RPS6KC1: variants seen among roughly 807,000 people sequenced by gnomAD.
The protein encoded by RPS6KC1 is ribosomal protein S6 kinase C1.
A neutral mutation model predicts 103.8 loss-of-function variants in RPS6KC1; 54 were observed. The observed-to-expected ratio is 0.52, with a 90% CI of 0.42 to 0.65. RPS6KC1 has a LOEUF of 0.65. Ranked by LOEUF, RPS6KC1 falls within the 30% of genes least tolerant of loss-of-function variation. The pLI is 0.00. For synonymous variants in RPS6KC1, 439 were observed against 438.7 expected (o/e 1.00, Z -0.01); for missense variants, 1,151 against 1,253.8 (o/e 0.92, Z 1.24).
chr1:213,355,782 T>C, the RPS6KC1 span, among the ~76,000 whole-genome samples: 37 of 152,302 alleles, frequency 2.4e-4, no homozygotes, highest in Admixed American at 2.2e-3. Context: ...GTAACAAATA[T>C]TGTTATGGAG....
chr1:213,108,699 A>ATTTTTT, intron 4 of RPS6KC1, among the ~76,000 whole-genome samples: 1 of 147,714 alleles, frequency 6.8e-6, no homozygotes. Flanking sequence ...TTTTTCACCG[A>ATTTTTT]GGCTGGGATG....
At chr1:213,665,262 A>G in the RPS6KC1 span, among the ~76,000 whole-genome samples, 1 of 152,156 alleles carries the variant, frequency 6.6e-6, no homozygotes, top group African/African-American at 2.4e-5. Flanking sequence ...TTAAAAATTT[A>G]ACAAAAGTAT....
the RPS6KC1 span, among the ~76,000 whole-genome samples, chr1:213,761,167 G>A: frequency 5.9e-5 from 9 of 152,120 alleles, no homozygotes; most frequent in South Asian, 2.1e-4. Context: ...CTGGCATCCC[G>A]TTTGTCTGTC....
At chr1:213,581,098 G>A in the RPS6KC1 span, among the ~76,000 whole-genome samples, 3 of 152,008 alleles carry the variant, frequency 2.0e-5, no homozygotes, top group African/African-American at 7.2e-5. Flanking sequence ...AGAGAGAACT[G>A]TGCCTGGGCT....
chr1:213,414,071 C>T, the RPS6KC1 span, among the ~76,000 whole-genome samples: 8 of 152,162 alleles, frequency 5.3e-5, no homozygotes, highest in African/African-American at 1.9e-4. Context: ...TCTCCCCTCA[C>T]CCCTGCCATT....
chr1:213,096,628 G>C (rs2081480155), intron 3 of RPS6KC1, among the ~76,000 whole-genome samples: 1 of 151,580 alleles, frequency 6.6e-6, no homozygotes, highest in East Asian at 1.9e-4. Flanking sequence ...TTGCGCTACT[G>C]TACTCCAGCC....
At chr1:213,740,339 G>A in the RPS6KC1 span, among the ~76,000 whole-genome samples, 1 of 152,166 alleles carries the variant, frequency 6.6e-6, no homozygotes, top group African/African-American at 2.4e-5. Flanking sequence ...TTATGGAACT[G>A]TATAACCAGA....
chr1:213,218,894 G>C (rs1442608671), intron 8 of RPS6KC1, among the ~76,000 whole-genome samples: 1 of 152,162 alleles, frequency 6.6e-6, no homozygotes, highest in Non-Finnish European at 1.5e-5. Context: ...TTAAATGTTA[G>C]ACCTAAAACT....
intron 1 of RPS6KC1, among the ~76,000 whole-genome samples, chr1:213,065,222 T>G (rs1398727714): frequency 4.3e-4 from 58 of 136,234 alleles, no homozygotes; most frequent in East Asian, 1.1e-3. Context: ...TGATCCACCC[T>G]CCTCGGCCTC....
chr1:213,141,746 A>G (rs1389757342), intron 6 of RPS6KC1, among the ~76,000 whole-genome samples: 2 of 151,396 alleles, frequency 1.3e-5, no homozygotes, highest in Non-Finnish European at 2.9e-5. Context: ...CTGACTTTTT[A>G]ATGTGGATGT....
the RPS6KC1 span, among the ~76,000 whole-genome samples, chr1:213,449,477 C>G: frequency 6.6e-6 from 1 of 152,190 alleles, no homozygotes. Flanking sequence ...CCTTTTCTCT[C>G]TCTGTGTGCT....
At chr1:213,290,341 A>G in the RPS6KC1 span, among the ~76,000 whole-genome samples, 1 of 152,120 alleles carries the variant, frequency 6.6e-6, no homozygotes, top group Non-Finnish European at 1.5e-5. Context: ...GCACATTGGT[A>G]CTTAACTGTT....
intron 4 of RPS6KC1, among the ~76,000 whole-genome samples, chr1:213,108,653 C>CT (rs377331105): frequency 0.031 from 4,237 of 135,630 alleles, 107 homozygotes; most frequent in South Asian, 0.12. Context: ...TATTTTACTT[C>CT]TTTTTTTTTT....
the RPS6KC1 span, among the ~76,000 whole-genome samples, chr1:213,592,045 TG>T: frequency 6.6e-6 from 1 of 152,132 alleles, no homozygotes; most frequent in Non-Finnish European, 1.5e-5. Flanking sequence ...GCCAATAGCC[TG>T]GGGAGGTAAA....
chr1:213,178,186 A>AAAAT (rs35813252), intron 8 of RPS6KC1, among the ~76,000 whole-genome samples: 12,912 of 128,146 alleles, frequency 0.1, 863 homozygotes, highest in African/African-American at 0.19. Context: ...ACTCTGTCTC[A>AAAAT]AAATAAATAA....
At chr1:213,591,475 G>C in the RPS6KC1 span, among the ~76,000 whole-genome samples, 1 of 152,098 alleles carries the variant, frequency 6.6e-6, no homozygotes, top group African/African-American at 2.4e-5. Flanking sequence ...GCTAGTGCAT[G>C]CCCCTCCAGC....
the RPS6KC1 span, among the ~76,000 whole-genome samples, chr1:213,632,900 T>C: frequency 5.8e-4 from 88 of 152,112 alleles, no homozygotes; most frequent in Non-Finnish European, 1.1e-3. Context: ...ACGTGACGCA[T>C]GCACAAGCTT....
chr1:213,213,415 T>C (rs943188177), intron 8 of RPS6KC1, among the ~76,000 whole-genome samples: 4 of 152,210 alleles, frequency 2.6e-5, no homozygotes, highest in African/African-American at 9.6e-5. Context: ...ATTGATTGGT[T>C]TGTCTATTCT....
intron 12 of RPS6KC1, among the ~76,000 whole-genome samples, chr1:213,258,592 A>G (rs2094707071): frequency 6.6e-6 from 1 of 152,138 alleles, no homozygotes; most frequent in Non-Finnish European, 1.5e-5. Flanking sequence ...ATGGGTTGAT[A>G]CCTTATTATG....
Sources: gnomAD v4.1 joint callset for allele counts (sites outside exome capture counted in the v4.1 genomes callset) on GRCh38, gnomAD v4.1.1 for gene constraint, MANE v1.5 for transcripts, NCBI Gene and HGNC (gene_info 2026-07-23, HGNC 2026-07-21) for gene names.